Variants in USP43 observed in about 807,000 individuals in gnomAD.
The protein encoded by USP43 is ubiquitin carboxyl-terminal hydrolase 43.
USP43 carries 33 observed loss-of-function variants against 90.7 expected under a neutral mutation model. The ratio of observed to expected loss-of-function variants is 0.36; its 90% CI spans 0.28 to 0.49. The LOEUF is 0.49. USP43 is among the 20% of genes least tolerant of loss of function. USP43 has a pLI of 0.98. For synonymous variants in USP43, 598 were observed against 615.8 expected (o/e 0.97, Z 0.43); for missense variants, 1,274 against 1,476.4 (o/e 0.86, Z 2.25).
At chr17:9,655,824 T>C (rs1009349797) in intron 1 of USP43, among the ~76,000 whole-genome samples, 19 of 152,208 alleles carry the variant, frequency 1.2e-4, no homozygotes, top group African/African-American at 3.4e-4. Flanking sequence ...TTTGTATCCT[T>C]AAATTTCATA....
chr17:9,656,492 T>C lies in USP43; in HGVS notation c.594T>C (p.His198=). Residue 198 remains histidine (H), a synonymous_variant, in exon 2 of 15, where the codon CAT becomes CAC. Coordinates refer to ENST00000285199, the MANE Select transcript of USP43 (RefSeq NM_153210.5). ...EFLLWLLDRV[H]EDLEGSSRGP... is the part of the protein sequence containing the mutation. ...TGCTCTGGTTGCTGGATCGTGTACATGAGGACCTGGAGGGTTCATCCCGAG... is the reference window on the plus strand; with the variant it reads ...TGCTCTGGTTGCTGGATCGTGTACACGAGGACCTGGAGGGTTCATCCCGAG... 4.3e-6 allele frequency: 7 copies of C among 1,610,994 alleles called. No individual in the cohort carries two copies. The highest frequency in any genetic ancestry group is 5.1e-6 in the Non-Finnish European group (6 of 1,178,716).
intron 1 of USP43, among the ~76,000 whole-genome samples, chr17:9,653,390 C>T (rs1285084776): frequency 3.9e-5 from 6 of 152,056 alleles, no homozygotes; most frequent in Admixed American, 1.3e-4. Context: ...GAGTTCAAGA[C>T]CAGCCTGGCC....
intron 2 of USP43, among the ~76,000 whole-genome samples, chr17:9,662,558 C>A (rs184301969): frequency 2.6e-5 from 4 of 152,190 alleles, no homozygotes; most frequent in Admixed American, 2.6e-4. Context: ...TGAATCCATC[C>A]CTCCTTTTCA....
intron 2 of USP43, among the ~76,000 whole-genome samples, chr17:9,660,680 C>T (rs1912581172): frequency 6.6e-6 from 1 of 152,220 alleles, no homozygotes; most frequent in South Asian, 2.1e-4. Context: ...CCCTCTGCCC[C>T]TCGCTCCCTG....
rs1004053993 is a variant in USP43, at chr17:9,729,112, T to A, written c.*122T>A. 9.9e-6 allele frequency: 10 copies of A among 1,013,224 alleles called. No individual in the cohort carries two copies. The highest frequency in any genetic ancestry group is 3.1e-5 in the South Asian group (1 of 32,510). 62.8% of individuals were successfully genotyped at this position (1,013,224 alleles called of 1,614,324 possible). A position where few individuals can be genotyped will look rare whatever the true frequency, so the allele number is the denominator to read the frequency against. ...TGTCTTGTAATCTCTAAAAAAAAAT[T>A]TTTTTTTTTTTGTGGTGGGGGGTCT... is the stretch of plus-strand genomic sequence containing the variant. On this transcript the variant is annotated 3_prime_UTR_variant, in exon 15 of 15. Transcript: ENST00000285199.
chr17:9,725,397 A>AT (rs1238359227), intron 14 of USP43, among the ~76,000 whole-genome samples: 1 of 152,104 alleles, frequency 6.6e-6, no homozygotes, highest in Admixed American at 6.6e-5. Flanking sequence ...GTCTCCCAGC[A>AT]TCCCAGAAGT....
chr17:9,721,897 A>ATTTT (rs375545876), intron 14 of USP43, among the ~76,000 whole-genome samples: 34 of 136,992 alleles, frequency 2.5e-4, no homozygotes, highest in East Asian at 1.5e-3. Flanking sequence ...CACCCAGCTA[A>ATTTT]TTTTTTTTTT....
Position 9,701,592 on chromosome 17 carries a change from T to C in USP43, c.1903T>C (p.Ser635Pro), listed in dbSNP as rs780962461. 7.5e-5 allele frequency: 119 copies of C among 1,577,090 alleles called. No homozygotes were observed. The highest frequency in any genetic ancestry group is 9.9e-5 in the Non-Finnish European group (115 of 1,162,300). ...SPEAGLGPWP[S>P]WKQPDCLPTS... ...TGAGGCAGGACTGGGCCCCTGGCCT[T>C]CCTGGAAGCAGCCGGACTGCCTGCC... Residue 635 changes from serine (S) to proline (P), a missense_variant, in exon 12 of 15, where the codon TCC becomes CCC. Ser to Pro is a moderately conservative substitution (Grantham distance 74, BLOSUM62 -1). This residue lies in a region of USP43 where 285 missense variants were observed against 349.6 expected (regional missense o/e 0.82). Transcript: ENST00000285199. The surrounding 1 kb of genome is among the most constrained non-coding windows in gnomAD (Gnocchi z 7.2).
chr17:9,665,184 A>G (rs557081709), intron 2 of USP43, among the ~76,000 whole-genome samples: 30 of 152,306 alleles, frequency 2.0e-4, no homozygotes, highest in African/African-American at 6.5e-4. Flanking sequence ...GTTTGGTGGC[A>G]TTAGGGCACA....
chr17:9,693,431 C>T (rs758673217), intron 9 of USP43, among the ~76,000 whole-genome samples: 2 of 152,124 alleles, frequency 1.3e-5, no homozygotes, highest in South Asian at 2.1e-4. Flanking sequence ...CTATTATGTC[C>T]GCTTCAAAGA....
Position 9,680,346 on chromosome 17 carries a change from C to T in USP43, c.1085C>T (p.Pro362Leu). The change falls in exon 6 of 15, where the codon CCC (proline) becomes CTC (leucine). Residue 362 changes from proline to leucine, a missense_variant. Coordinates refer to ENST00000285199, the MANE Select transcript of USP43 (RefSeq NM_153210.5). Reference sequence around the variant, plus strand: ...TATGCCTTTCAAGTTCCTCCCTCACCCAGCCAGGGGACTCTCTCAGGTATA... The same window carrying T: ...TATGCCTTTCAAGTTCCTCCCTCACTCAGCCAGGGGACTCTCTCAGGTATA... Reference protein sequence around the residue: ...NVYAFQVPPSPSQGTLSAHPL... With the variant: ...NVYAFQVPPSLSQGTLSAHPL... 1 of 1,613,786 alleles carries T rather than the reference C, an allele frequency of 6.2e-7. No individual in the cohort carries two copies. Among genetic ancestry groups the T allele is most frequent in the Non-Finnish European group, 8.5e-7 (1 of 1,179,808 alleles).
At chr17:9,708,795 T>C (rs996319985) in intron 12 of USP43, among the ~76,000 whole-genome samples, 2 of 152,026 alleles carry the variant, frequency 1.3e-5, no homozygotes, top group African/African-American at 4.8e-5. Context: ...GCCCAGCTAA[T>C]TTTTTGTATT....
chr17:9,689,588 T>A (rs8064581), intron 8 of USP43, among the ~76,000 whole-genome samples: 6,633 of 151,982 alleles, frequency 0.044, 463 homozygotes, highest in African/African-American at 0.15. Context: ...ATTATTTTAA[T>A]TTTTTTGCAG....
intron 12 of USP43, among the ~76,000 whole-genome samples, chr17:9,702,014 A>G (rs761191797): frequency 6.6e-6 from 1 of 152,184 alleles, no homozygotes; most frequent in Non-Finnish European, 1.5e-5. Context: ...CGAGAGCAGA[A>G]GGGACCTTGT....
rs761821829 is a variant in USP43, at chr17:9,670,819, C to T, written c.740+4068C>T. Among the ~76,000 whole-genome samples, 5 of 152,190 alleles carry T rather than the reference C, an allele frequency of 3.3e-5. No individual in the cohort carries two copies. The South Asian group carries it at 8.3e-4, about 25-fold the overall frequency. On this transcript the variant is annotated intron_variant, in intron 3 of 14. Transcript: ENST00000285199. ...TGATGAGTAAGAGGCGAGGTGTTCA[C>T]GCTAAAGATGAACTGGCAATGGCTA...
rs746276447 is a variant in USP43 at position 9,700,156 on chromosome 17, C to T, written c.1458-16C>T. 11 of 1,591,166 alleles carry T rather than the reference C, an allele frequency of 6.9e-6. No homozygotes were observed. The highest frequency in any genetic ancestry group is 5.1e-6 in the Non-Finnish European group (6 of 1,168,938). On this transcript the variant is annotated splice_polypyrimidine_tract_variant and intron_variant, in intron 9 of 14. Transcript: ENST00000285199. ...GGCCCCGTGTTTTCTGATGGGCTCCCTTGTTCTCTTCTCAGGGTTTTGCAT... is the reference window on the plus strand; with the variant it reads ...GGCCCCGTGTTTTCTGATGGGCTCCTTTGTTCTCTTCTCAGGGTTTTGCAT...
intron 5 of USP43, among the ~76,000 whole-genome samples, chr17:9,677,517 C>A (rs1276757836): frequency 6.6e-6 from 1 of 152,216 alleles, no homozygotes; most frequent in African/African-American, 2.4e-5. Flanking sequence ...TACCTGTTTT[C>A]TTTTCAAACG....
chr17:9,695,212 G>A (rs1915186186), intron 9 of USP43, among the ~76,000 whole-genome samples: 1 of 149,748 alleles, frequency 6.7e-6, no homozygotes, highest in Non-Finnish European at 1.5e-5. Context: ...CATCTAATGT[G>A]ACCTTACCTC....
chr17:9,668,390 G>A (rs543439924), intron 3 of USP43, among the ~76,000 whole-genome samples: 16 of 152,248 alleles, frequency 1.1e-4, no homozygotes, highest in East Asian at 1.9e-4. Flanking sequence ...AAAACTGCCC[G>A]GAAACTATCC....
Sources: gnomAD v4.1 joint callset for allele counts (sites outside exome capture counted in the v4.1 genomes callset) on GRCh38, gnomAD v4.1.1 for gene constraint, gnomAD v4.1.1 regional missense constraint, Gnocchi (gnomAD v3.1) non-coding constraint, MANE v1.5 for transcripts, NCBI Gene and HGNC (gene_info 2026-07-23, HGNC 2026-07-21) for gene names.